ZC3H12A: variants seen among roughly 807,000 people sequenced by gnomAD.
The protein encoded by ZC3H12A is endoribonuclease ZC3H12A.
A neutral mutation model predicts 29.9 loss-of-function variants in ZC3H12A; 9 were observed. The ratio of observed to expected loss-of-function variants is 0.30; its 90% CI spans 0.18 to 0.53. The LOEUF (loss-of-function observed/expected upper bound fraction) is 0.53, where lower values mean the gene tolerates loss of function less well. Among genes scored for constraint, ZC3H12A ranks in the 20% least tolerant of loss-of-function variants. The pLI, the probability that ZC3H12A is intolerant of heterozygous loss-of-function variation, is 0.96. For synonymous variants in ZC3H12A, 323 were observed against 338.1 expected, an observed-to-expected ratio of 0.96 and a Z score of 0.49; for missense variants, 617 against 799.0, an observed-to-expected ratio of 0.77 and a Z score of 2.75.
Position 37,476,184 on chromosome 1 carries a change from C to A in ZC3H12A, c.443+245C>A, listed in dbSNP as rs1259401637. On this transcript the variant is annotated intron_variant, in intron 2 of 5. Coordinates refer to ENST00000373087, the MANE Select transcript of ZC3H12A (RefSeq NM_025079.3). This position sits in a 1 kb window ranked among gnomAD's most constrained non-coding sequence, Gnocchi z 6.0. ...AGCTTACCTTATGCTGTGGGTCCCTCCCTGAGGCCAGCACTGTGTCTCCAC... is the reference window on the plus strand; with the variant it reads ...AGCTTACCTTATGCTGTGGGTCCCTACCTGAGGCCAGCACTGTGTCTCCAC... Among the ~76,000 whole-genome samples the A allele has an allele frequency of 6.6e-6, 1 of 152,072 alleles. No individual in the cohort carries two copies. The highest frequency in any genetic ancestry group is 1.5e-5 in the Non-Finnish European group (1 of 68,032).
Position 37,482,980 on chromosome 1 carries a change from G to A in ZC3H12A, c.1169G>A (p.Arg390His), listed in dbSNP as rs766845015. Residue 390 changes from arginine to histidine, a missense_variant, in exon 6 of 6, where the codon CGC becomes CAC. By Grantham distance (29) the Arg-to-His change is conservative. Around this residue, in one of 5 missense-constraint regions of ZC3H12A, gnomAD observed 115 missense variants for 112.5 expected, o/e 1.02. Transcript: ENST00000373087. ...KLGAQASPGS[R>H]QEGLTQTYAP... is the part of the protein sequence containing the mutation. ...GGGGCCCAGGCATCCCCAGGGTCCC[G>A]CCAAGAGGGTCTAACACAGACCTAT... 5.5e-5 allele frequency: 89 copies of A among 1,611,012 alleles called. No homozygotes were observed. Among genetic ancestry groups the A allele is most frequent in the Non-Finnish European group, 7.0e-5 (83 of 1,178,876 alleles).
Position 37,479,646 on chromosome 1 carries a change from T to C in ZC3H12A, c.444-644T>C. 4 of 985,396 alleles carry C rather than the reference T, an allele frequency of 4.1e-6. No homozygotes were observed. Among genetic ancestry groups the C allele is most frequent in the Non-Finnish European group, 4.8e-6 (4 of 829,918 alleles). The allele number at this position is 985,396 out of a possible 1,614,324, so 61.0% of individuals were successfully genotyped here. On this transcript the variant is annotated intron_variant, in intron 2 of 5. Transcript: ENST00000373087. The surrounding 1 kb of genome is among the most constrained non-coding windows in gnomAD (Gnocchi z 4.5). ...GGGGAACTTGCTTCACTCCGGCGCT[T>C]TCTGTCCCATGCTGAAGGCTGGAGT...
chr1:37,474,665 G>C (rs1438094812), intron 1 of ZC3H12A, 36 bp downstream of exon 1: 1 of 151,740 alleles, frequency 6.6e-6, no homozygotes, highest in African/African-American at 2.4e-5. Flanking sequence ...GCCTCGGCGG[G>C]GAAGCGGCAG....
chr1:37,480,414 G>T lies in ZC3H12A; in HGVS notation c.568G>T (p.Asp190Tyr). ...CTGGAGGAAGGAGCAGCCTCGGCCC[G>T]ACGTGCCCATCACAGGTGAGTGGTG... ...PSWRKEQPRP[D>Y]VPITDQHILR... is the part of the protein sequence containing the mutation. Residue 190 changes from aspartate (D) to tyrosine (Y), a missense_variant, in exon 3 of 6, where the codon GAC becomes TAC. Physicochemically the swap from Asp to Tyr is radical, Grantham distance 160 (BLOSUM62 -3). Coordinates refer to ENST00000373087, the MANE Select transcript of ZC3H12A (RefSeq NM_025079.3). The T allele has an allele frequency of 6.2e-7, 1 of 1,612,976 alleles. No individual in the cohort carries two copies.
rs1641727126 is a variant in ZC3H12A, at chr1:37,482,407, C to G, written c.819-27C>G. ...AGAAGTCCCTGCATGGCTCCCACCTCCAGAGAGTTCTTTGCACCCTCTGCA... is the reference window on the plus strand; with the variant it reads ...AGAAGTCCCTGCATGGCTCCCACCTGCAGAGAGTTCTTTGCACCCTCTGCA... On this transcript the variant is annotated intron_variant, in intron 4 of 5. Coordinates refer to ENST00000373087, the MANE Select transcript of ZC3H12A (RefSeq NM_025079.3). 5 of 1,581,756 alleles carry G rather than the reference C, an allele frequency of 3.2e-6. No homozygotes were observed. In the East Asian group the frequency reaches 1.1e-4, roughly 35 times the overall value.
At chr1:37,482,345 C>T in intron 4 of ZC3H12A, 89 bp from the exon 5 acceptor site, 1 of 1,170,726 alleles carries the variant, frequency 8.5e-7, no homozygotes, top group East Asian at 2.3e-5. Context: ...TCCTATTCTT[C>T]CCAGCAAGGC....
chr1:37,481,082 G>C (rs1046091076), intron 3 of ZC3H12A, among the ~76,000 whole-genome samples: 6 of 152,174 alleles, frequency 3.9e-5, no homozygotes, highest in African/African-American at 1.4e-4. Flanking sequence ...AGGAAGAGGG[G>C]CCCTTTCCAC....
chr1:37,477,728 A>T (rs1641619502), intron 2 of ZC3H12A, among the ~76,000 whole-genome samples: 1 of 152,152 alleles, frequency 6.6e-6, no homozygotes, highest in Admixed American at 6.5e-5. Context: ...CCCTGACCTT[A>T]CAGGCAAAGA....
chr1:37,481,226 C>T (rs1641694962), intron 3 of ZC3H12A, among the ~76,000 whole-genome samples: 1 of 152,212 alleles, frequency 6.6e-6, no homozygotes, highest in Non-Finnish European at 1.5e-5. Flanking sequence ...ATACTTCTCC[C>T]ACCCCAGAGC....
chr1:37,478,104 C>A lies in ZC3H12A; in HGVS notation c.443+2165C>A, dbSNP rs1287049812. 6.6e-6 allele frequency among the ~76,000 whole-genome samples: 1 copy of A among 152,150 alleles called. No individual in the cohort carries two copies. Among genetic ancestry groups the A allele is most frequent in the African/African-American group, 2.4e-5 (1 of 41,410 alleles). ...ACACTGCATACCTGAGACAAGGAGCCAGGCCTGGGATGACCCAGCTGCCAT... is the reference window on the plus strand; with the variant it reads ...ACACTGCATACCTGAGACAAGGAGCAAGGCCTGGGATGACCCAGCTGCCAT... On this transcript the variant is annotated intron_variant, in intron 2 of 5. Transcript: ENST00000373087. This position sits in a 1 kb window ranked among gnomAD's most constrained non-coding sequence, Gnocchi z 5.2.
In ZC3H12A at chr1:37,481,527, C is replaced by T. The variant is rs1641704990; in HGVS notation, c.584-74C>T. The T allele has an allele frequency of 2.7e-6, 4 of 1,457,746 alleles. No individual in the cohort carries two copies. In the African/African-American group the frequency reaches 4.3e-5, roughly 16 times the overall value. The allele number at this position is 1,457,746 out of a possible 1,614,324, so 90.3% of individuals were successfully genotyped here. On this transcript the variant is annotated intron_variant, in intron 3 of 5. Coordinates refer to ENST00000373087, the MANE Select transcript of ZC3H12A (RefSeq NM_025079.3). The stretch of plus-strand genomic sequence containing the variant: ...AACCACTCCTGTGTGTGGCCATCAG[C>T]AGGTTAGGGAGCCCTGTAGGCCTGG...
At chr1:37,481,101 TTC>T (rs1438190894) in intron 3 of ZC3H12A, among the ~76,000 whole-genome samples, 3 of 152,166 alleles carry the variant, frequency 2.0e-5, no homozygotes, top group Non-Finnish European at 4.4e-5. Flanking sequence ...ACTTGCACAC[TTC>T]TGTGTCCCTG....
chr1:37,480,348 C>T lies in ZC3H12A; in HGVS notation c.502C>T (p.Leu168=), dbSNP rs542528945. Residue 168 remains leucine (L), a synonymous_variant, in exon 3 of 6, where the codon CTG becomes TTG. Transcript: ENST00000373087. ...CATCCTGCTGGCAGTGAACTGGTTT[C>T]TGGAGCGGGGCCACACAGACATCAC... ...RGILLAVNWF[L]ERGHTDITVF... 436 of 1,613,984 alleles carry T rather than the reference C, an allele frequency of 2.7e-4. No individual in the cohort carries two copies. Among genetic ancestry groups the T allele is most frequent in the Non-Finnish European group, 3.5e-4 (414 of 1,179,998 alleles).
In ZC3H12A at chr1:37,475,838, C is replaced by T. The variant is rs571678872; in HGVS notation, c.342C>T (p.Gly114=). The change falls in exon 2 of 6, where the codon GGC becomes GGT. Residue 114 remains glycine, a synonymous_variant. Coordinates refer to ENST00000373087, the MANE Select transcript of ZC3H12A (RefSeq NM_025079.3). This position sits in a 1 kb window ranked among gnomAD's most constrained non-coding sequence, Gnocchi z 5.2. ...TCCCTCTAGTCCCGCGGGGTGGTGG[C>T]ACCCCTAAGGCTCCCAACCTGGAGC... ...PQLPLVPRGG[G]TPKAPNLEPP... 1.2e-6 allele frequency: 2 copies of T among 1,600,672 alleles called. No homozygotes were observed. The highest frequency in any genetic ancestry group is 2.2e-5 in the East Asian group (1 of 44,612).
chr1:37,481,879 G>T (rs1323712160), intron 4 of ZC3H12A, 44 bp downstream of exon 4: 1 of 1,577,512 alleles, frequency 6.3e-7, no homozygotes, highest in Non-Finnish European at 8.6e-7. Context: ...GGGTCCACAG[G>T]GGAAGCCAGA....
rs747971490 is a variant in ZC3H12A, at chr1:37,480,383, G to A, written c.537G>A (p.Val179=). The change falls in exon 3 of 6, where the codon GTG becomes GTA. Residue 179 remains valine, a synonymous_variant. Coordinates refer to ENST00000373087, the MANE Select transcript of ZC3H12A (RefSeq NM_025079.3). ...GCCACACAGACATCACAGTGTTTGT[G>A]CCATCCTGGAGGAAGGAGCAGCCTC... ...ERGHTDITVF[V]PSWRKEQPRP... The A allele has an allele frequency of 3.1e-6, 5 of 1,613,946 alleles. No individual in the cohort carries two copies. The Admixed American group carries it at 6.7e-5, about 22-fold the overall frequency.
At chr1:37,482,201 G>A in intron 4 of ZC3H12A, 1 of 593,676 alleles carries the variant, frequency 1.7e-6, no homozygotes, top group Non-Finnish European at 3.0e-6. Flanking sequence ...CGACCTCAGA[G>A]AGGGAGTTCC....
intron 2 of ZC3H12A, among the ~76,000 whole-genome samples, chr1:37,477,057 C>T (rs532082300): frequency 2.0e-5 from 3 of 152,202 alleles, no homozygotes; most frequent in African/African-American, 7.2e-5. Context: ...CTCCTTCTGT[C>T]ACCTTCAGGC....
In ZC3H12A at chr1:37,479,719, G is replaced by A. The variant is rs1484548741; in HGVS notation, c.444-571G>A. On this transcript the variant is annotated intron_variant, in intron 2 of 5. Coordinates refer to ENST00000373087, the MANE Select transcript of ZC3H12A (RefSeq NM_025079.3). The surrounding 1 kb of genome is among the most constrained non-coding windows in gnomAD (Gnocchi z 4.5). ...TTTCTCAGGCCCCAGTCCCTGAGGTGTGTGTGAGGACTGAACTTTAATCCG... is the reference window on the plus strand; with the variant it reads ...TTTCTCAGGCCCCAGTCCCTGAGGTATGTGTGAGGACTGAACTTTAATCCG... 3 of 985,438 alleles carry A rather than the reference G, an allele frequency of 3.0e-6. No individual in the cohort carries two copies. Among genetic ancestry groups the A allele is most frequent in the South Asian group, 9.4e-5 (2 of 21,292 alleles). The allele number at this position is 985,438 out of a possible 1,614,324, so 61.0% of individuals were successfully genotyped here. A position where few individuals can be genotyped will look rare whatever the true frequency, so the allele number is the denominator to read the frequency against.
Sources: gnomAD v4.1 joint callset for allele counts (sites outside exome capture counted in the v4.1 genomes callset) on GRCh38, gnomAD v4.1.1 for gene constraint, gnomAD v4.1.1 regional missense constraint, Gnocchi (gnomAD v3.1) non-coding constraint, MANE v1.5 for transcripts, NCBI Gene and HGNC (gene_info 2026-07-23, HGNC 2026-07-21) for gene names.